Variants in TBCD observed in about 807,000 individuals in gnomAD.
TBCD encodes the protein tubulin folding cofactor D, also known as tubulin-specific chaperone D.
Under a neutral mutation model 169.3 loss-of-function variants are expected in TBCD, and 105 were observed. The observed-to-expected ratio is 0.62, with a 90% confidence interval of 0.53 to 0.73. The LOEUF is 0.73. Among genes scored for constraint, TBCD ranks in the 30% least tolerant of loss-of-function variants. The probability of loss-of-function intolerance (pLI) is 0.00; values close to 1 mark genes in which losing one functional copy is unlikely to be tolerated. For missense variants in TBCD, 1,444 were observed against 1,600.1 expected (o/e 0.90, Z 1.66); for synonymous variants, 700 against 643.9 (o/e 1.09, Z -1.32).
Position 82,937,891 on chromosome 17 carries a change from G to A in TBCD, c.3282-158G>A, listed in dbSNP as rs189498131. 3.3e-5 allele frequency: 50 copies of A among 1,528,180 alleles called. No individual in the cohort carries two copies. The African/African-American group carries it at 5.6e-4, about 17-fold the overall frequency. The allele number at this position is 1,528,180 out of a possible 1,614,324, so 94.7% of individuals were successfully genotyped here. A position where few individuals can be genotyped will look rare whatever the true frequency, so the allele number is the denominator to read the frequency against. On this transcript the variant is annotated intron_variant, in intron 35 of 38. Transcript: ENST00000355528. ...TCGTGTGTGTAGGCACAGTGCAGAT[G>A]TACGCACACACACACCTCCGGCTTG...
intron 34 of TBCD, 173 bp downstream of exon 34, chr17:82,932,908 G>A (rs777300060): frequency 3.8e-5 from 24 of 634,206 alleles, no homozygotes; most frequent in Admixed American, 1.1e-4. Flanking sequence ...TCAAAATAAC[G>A]CAATAATAAC....
chr17:82,865,552 G>A (rs1272583415), intron 13 of TBCD: 5 of 985,450 alleles, frequency 5.1e-6, no homozygotes, highest in Non-Finnish European at 6.0e-6. Context: ...GTACTCGGCT[G>A]CACTGTGCAC....
chr17:82,764,444 A>C (rs542324775), intron 3 of TBCD, among the ~76,000 whole-genome samples: 1 of 152,340 alleles, frequency 6.6e-6, no homozygotes, highest in Non-Finnish European at 1.5e-5. Context: ...CAGGAGTTCG[A>C]GATGAGCCTG....
rs771565807 is a variant in TBCD, at chr17:82,929,188, C to T, written c.2769C>T (p.Ser923=). Residue 923 remains serine, a synonymous_variant, in exon 31 of 39, where the codon AGC becomes AGT. Coordinates refer to ENST00000355528, the MANE Select transcript of TBCD (RefSeq NM_005993.5). ...ACCGTTTCCGTGCTCACGCCGCCAG[C>T]GTGTTCCTGACGCTCCTGCACTTTG... The part of the protein sequence containing the change: ...KIDRFRAHAA[S]VFLTLLHFDS... The T allele has an allele frequency of 5.6e-5, 90 of 1,613,854 alleles. No homozygotes were observed. In the South Asian group the frequency reaches 7.0e-4, roughly 13 times the overall value.
chr17:82,926,797 T>C (rs2061797008), intron 28 of TBCD: 7 of 523,638 alleles, frequency 1.3e-5, no homozygotes, highest in East Asian at 3.4e-5. Context: ...ATCTCTGCAC[T>C]CGTTGACAGA....
chr17:82,916,709 A>ATTTT (rs1325300927), intron 23 of TBCD, among the ~76,000 whole-genome samples: 1 of 151,834 alleles, frequency 6.6e-6, no homozygotes, highest in Non-Finnish European at 1.5e-5. Context: ...TTCTTTTGAG[A>ATTTT]TTTTTATCTT....
At position 82,831,289 on chromosome 17, in the gene TBCD, T is replaced by G. The variant is rs1722217084; in HGVS notation, c.1318+16355T>G. The G allele has an allele frequency of 6.2e-7, 1 of 1,613,810 alleles. No homozygotes were observed. The highest frequency in any genetic ancestry group is 1.7e-5 in the Admixed American group (1 of 60,010). The stretch of plus-strand genomic sequence containing the variant: ...CCCTTCCGTGTCTCTCTGCCCAGCC[T>G]TGGAGGAGTCTTTAGCCTCAGGAAT... On this transcript the variant is annotated intron_variant, in intron 13 of 38. Coordinates refer to ENST00000355528, the MANE Select transcript of TBCD (RefSeq NM_005993.5). This position sits in a 1 kb window ranked among gnomAD's most constrained non-coding sequence, Gnocchi z 4.6.
At chr17:82,845,437 G>T (rs576962879) in intron 13 of TBCD, among the ~76,000 whole-genome samples, 2 of 144,654 alleles carry the variant, frequency 1.4e-5, no homozygotes, top group Admixed American at 6.9e-5. Flanking sequence ...GTCCGGCCCG[G>T]CCCCTTCCTC....
intron 14 of TBCD, 146 bp downstream of exon 14, chr17:82,870,526 G>A (rs2057483074): frequency 8.7e-7 from 1 of 1,145,458 alleles, no homozygotes; most frequent in Middle Eastern, 2.5e-4. Flanking sequence ...GCCACCGCTT[G>A]GAGGTCAAGC....
chr17:82,809,474 A>G (rs590886), intron 11 of TBCD, among the ~76,000 whole-genome samples: 128,226 of 152,104 alleles, frequency 0.84, 54,192 homozygotes, highest in South Asian at 0.96. Context: ...ATGGTGACCT[A>G]CCCTGTGCCG....
chr17:82,784,498 C>T (rs1393235262), intron 7 of TBCD, among the ~76,000 whole-genome samples: 1 of 152,134 alleles, frequency 6.6e-6, no homozygotes, highest in Admixed American at 6.5e-5. Flanking sequence ...AGGTCTCGGA[C>T]GTACCCACTG....
At chr17:82,905,099 G>T (rs2060145153) in intron 19 of TBCD, among the ~76,000 whole-genome samples, 1 of 152,194 alleles carries the variant, frequency 6.6e-6, no homozygotes, top group African/African-American at 2.4e-5. Flanking sequence ...GTCCGTGAGG[G>T]TTCTGAGGAG....
chr17:82,773,971 C>T (rs1243210809), intron 6 of TBCD, among the ~76,000 whole-genome samples: 6 of 151,614 alleles, frequency 4.0e-5, no homozygotes, highest in Non-Finnish European at 7.4e-5. Flanking sequence ...CCTCATGATC[C>T]GCCCACCTCG....
intron 36 of TBCD, among the ~76,000 whole-genome samples, chr17:82,938,751 G>A (rs2062846882): frequency 2.1e-5 from 3 of 144,802 alleles, no homozygotes; most frequent in Non-Finnish European, 4.6e-5. Flanking sequence ...GAGAGCAGGC[G>A]AGATTGCTTC....
chr17:82,793,952 A>C (rs1256311090), intron 7 of TBCD, among the ~76,000 whole-genome samples: 2 of 152,150 alleles, frequency 1.3e-5, no homozygotes, highest in South Asian at 2.1e-4. Flanking sequence ...CAGAGTCGGC[A>C]TGGTTATGTG....
chr17:82,903,338 T>C lies in TBCD; in HGVS notation c.1731-67T>C. ...CGTGTGTTGTCTCCCTCACTTTCTT[T>C]TTATGAATTGAATAAAGCTAGAATC... is the stretch of plus-strand genomic sequence containing the variant. On this transcript the variant is annotated intron_variant, in intron 18 of 38. Coordinates refer to ENST00000355528, the MANE Select transcript of TBCD (RefSeq NM_005993.5). The surrounding 1 kb of genome is among the most constrained non-coding windows in gnomAD (Gnocchi z 4.8). The C allele has an allele frequency of 4.1e-6, 6 of 1,464,162 alleles. No homozygotes were observed. Among genetic ancestry groups the C allele is most frequent in the Non-Finnish European group, 5.6e-6 (6 of 1,067,692 alleles). The allele number at this position is 1,464,162 out of a possible 1,614,324, so 90.7% of individuals were successfully genotyped here.
chr17:82,843,541 A>C (rs1598872299), intron 13 of TBCD, among the ~76,000 whole-genome samples: 1 of 98,120 alleles, frequency 1.0e-5, no homozygotes, highest in African/African-American at 4.3e-5. Flanking sequence ...CATCCAGCTT[A>C]CTTACCCTTC....
chr17:82,898,999 C>T lies in TBCD; in HGVS notation c.1650-1652C>T, dbSNP rs149569510. ...AGCCTGTGTGCTGCTGCCCTGCCCT[C>T]GACGCGGAGCAGGGCTGCCCCTCGG... On this transcript the variant is annotated intron_variant, in intron 17 of 38. Coordinates refer to ENST00000355528, the MANE Select transcript of TBCD (RefSeq NM_005993.5). 1.1e-4 allele frequency among the ~76,000 whole-genome samples: 16 copies of T among 152,340 alleles called. No homozygotes were observed. The East Asian group carries it at 2.7e-3, about 26-fold the overall frequency.
intron 7 of TBCD, among the ~76,000 whole-genome samples, chr17:82,784,864 CT>C (rs1430286644): frequency 2.6e-5 from 4 of 152,336 alleles, no homozygotes; most frequent in Non-Finnish European, 4.4e-5. Flanking sequence ...ACTGCCGCAG[CT>C]CCCCGAACCA....
Sources: allele counts gnomAD v4.1 joint callset (sites outside exome capture counted in the v4.1 genomes callset), GRCh38; gene constraint gnomAD v4.1.1; non-coding constraint Gnocchi (gnomAD v3.1); transcripts MANE v1.5; gene names NCBI Gene and HGNC (gene_info 2026-07-23, HGNC 2026-07-21).